SLC45A1: variants seen among roughly 807,000 people sequenced by gnomAD.
SLC45A1 encodes the protein solute carrier family 45 member 1, also known as proton-associated sugar transporter A.
A neutral mutation model predicts 57.6 loss-of-function variants in SLC45A1; 28 were observed. That is an observed-to-expected ratio of 0.49 (90% CI 0.36 to 0.67). The LOEUF is 0.67. SLC45A1 is among the 30% of genes least tolerant of loss of function. SLC45A1 has a pLI of 0.00. For missense variants in SLC45A1, 814 were observed against 1,041.5 expected, an observed-to-expected ratio of 0.78 and a Z score of 3.01; for synonymous variants, 459 against 471.5, an observed-to-expected ratio of 0.97 and a Z score of 0.34.
intron 8 of SLC45A1, among the ~76,000 whole-genome samples, chr1:8,340,457 C>T (rs1216694986): frequency 1.3e-5 from 2 of 152,202 alleles, no homozygotes; most frequent in African/African-American, 2.4e-5. Context: ...CCACCGCACC[C>T]AGCCCAAAAT....
At position 8,342,333 on chromosome 1, in the gene SLC45A1, G is replaced by A. The variant is rs911388366; in HGVS notation, c.1981-1414G>A. 2.6e-5 allele frequency among the ~76,000 whole-genome samples: 4 copies of A among 152,314 alleles called. No homozygotes were observed. The South Asian group carries it at 8.3e-4, about 32-fold the overall frequency. ...AGTGTGTGATGTGCACCGTTCGGCG[G>A]TTTCAGCACACGCAGAGTTGTACAA... On this transcript the variant is annotated intron_variant, in intron 8 of 8. Coordinates refer to ENST00000471889, the MANE Select transcript of SLC45A1 (RefSeq NM_001080397.3).
At position 8,330,882 on chromosome 1, in the gene SLC45A1, CG is replaced by C; in HGVS notation, c.1391del (p.Gly464GlufsTer13). 6.2e-7 allele frequency: 1 copy of C among 1,604,386 alleles called. No individual in the cohort carries two copies. Among genetic ancestry groups the C allele is most frequent in the Non-Finnish European group, 8.5e-7 (1 of 1,173,256 alleles). ...AGACCTTGGCCATCCCGGACGCAGCCGGAGGAGGGGGTCCCGAAACCAGCAG... is the reference window on the plus strand; with the variant it reads ...AGACCTTGGCCATCCCGGACGCAGCCGAGGAGGGGGTCCCGAAACCAGCAG... The part of the protein sequence containing the change: ...PQTLAIPDAA[G>X]GGGPETSRRR... On this transcript the variant is annotated frameshift_variant, in exon 5 of 9. Coordinates refer to ENST00000471889, the MANE Select transcript of SLC45A1 (RefSeq NM_001080397.3). LOFTEE classifies it high-confidence loss of function. The surrounding 1 kb of genome is among the most constrained non-coding windows in gnomAD (Gnocchi z 8.4).
chr1:8,320,991 T>TG lies in SLC45A1; in HGVS notation c.-25+2806dup, dbSNP rs1322364089. Reference sequence around the variant, plus strand: ...CCGATCCAACCGTCCACCTCACCTGTGCTGGGTCTCGCCTCTGACTCTGAA... The same window carrying TG: ...CCGATCCAACCGTCCACCTCACCTGTGGCTGGGTCTCGCCTCTGACTCTGAA... On this transcript the variant is annotated intron_variant, in intron 1 of 8. Coordinates refer to ENST00000471889, the MANE Select transcript of SLC45A1 (RefSeq NM_001080397.3). Among the ~76,000 whole-genome samples the TG allele has an allele frequency of 2.6e-5, 4 of 152,238 alleles. No homozygotes were observed. The East Asian group carries it at 7.7e-4, about 29-fold the overall frequency.
rs1640232299 is a variant in SLC45A1 at position 8,327,230 on chromosome 1, G to T, written c.715+1188G>T. Among the ~76,000 whole-genome samples the T allele has an allele frequency of 6.6e-6, 1 of 151,592 alleles. No homozygotes were observed. Among genetic ancestry groups the T allele is most frequent in the Non-Finnish European group, 1.5e-5 (1 of 68,028 alleles). The stretch of plus-strand genomic sequence containing the variant: ...CAGATAATGAGGATTGAGTGTGTGT[G>T]CATGGACACACACACGACTATATCC... On this transcript the variant is annotated intron_variant, in intron 4 of 8. Transcript: ENST00000471889. This position sits in a 1 kb window ranked among gnomAD's most constrained non-coding sequence, Gnocchi z 4.3.
In SLC45A1 at chr1:8,335,689, C is replaced by A. The variant is rs1414964487; in HGVS notation, c.1597+99C>A. On this transcript the variant is annotated intron_variant, in intron 6 of 8. Coordinates refer to ENST00000471889, the MANE Select transcript of SLC45A1 (RefSeq NM_001080397.3). The surrounding 1 kb of genome is among the most constrained non-coding windows in gnomAD (Gnocchi z 4.1). ...GCCCCTGAGCCTCCCTTCCCAGAAC[C>A]TTTCTGAGTTCACCAGCCCCCAACA... 3 of 1,332,030 alleles carry A rather than the reference C, an allele frequency of 2.3e-6. No individual in the cohort carries two copies. The highest frequency in any genetic ancestry group is 3.0e-5 in the African/African-American group (2 of 67,228). The allele number at this position is 1,332,030 out of a possible 1,614,324, so 82.5% of individuals were successfully genotyped here.
chr1:8,324,106 G>A (rs969747676), intron 1 of SLC45A1, among the ~76,000 whole-genome samples, 200 bp from the exon 2 acceptor site: 3 of 152,202 alleles, frequency 2.0e-5, no homozygotes, highest in Admixed American at 2.0e-4. Context: ...TCTCTGAGTA[G>A]GGAAGGCACT....
rs374431547 is a variant in SLC45A1 at position 8,330,749 on chromosome 1, T to C, written c.1256T>C (p.Leu419Pro). 2.2e-5 allele frequency: 35 copies of C among 1,613,218 alleles called. No individual in the cohort carries two copies. The highest frequency in any genetic ancestry group is 2.9e-5 in the Non-Finnish European group (34 of 1,180,024). ...TTCTACCGCCAGGACCGTGGACTTC[T>C]GGAGGGCAGAGAGGGTGCCCTGACC... is the stretch of plus-strand genomic sequence containing the variant. ...DGFYRQDRGL[L>P]EGREGALTSG... is the part of the protein sequence containing the mutation. The change falls in exon 5 of 9, where the codon CTG (leucine) becomes CCG (proline). Residue 419 changes from leucine (L) to proline (P), a missense_variant. Leu to Pro is a moderately conservative substitution (Grantham distance 98). Transcript: ENST00000471889. The surrounding 1 kb of genome is among the most constrained non-coding windows in gnomAD (Gnocchi z 8.4).
At chr1:8,333,013 C>T (rs1362967017) in intron 5 of SLC45A1, among the ~76,000 whole-genome samples, 1 of 150,558 alleles carries the variant, frequency 6.6e-6, no homozygotes, top group Non-Finnish European at 1.5e-5. Context: ...GGAGATCTAG[C>T]CGAGGAGACA....
Position 8,325,773 on chromosome 1 carries a change from G to C in SLC45A1, c.491-45G>C. 1 of 1,553,904 alleles carries C rather than the reference G, an allele frequency of 6.4e-7. No homozygotes were observed. On this transcript the variant is annotated intron_variant, in intron 3 of 8. Transcript: ENST00000471889. The surrounding 1 kb of genome is among the most constrained non-coding windows in gnomAD (Gnocchi z 6.3). ...TAAGTCGTGAGCTGCCGGGGACAGA[G>C]CTGGTCTGCATTTTCTTGGGGTGAC...
In SLC45A1 at chr1:8,326,690, T is replaced by C. The variant is rs563491856; in HGVS notation, c.715+648T>C. Among the ~76,000 whole-genome samples the C allele has an allele frequency of 6.6e-6, 1 of 152,300 alleles. No individual in the cohort carries two copies. The highest frequency in any genetic ancestry group is 1.9e-4 in the East Asian group (1 of 5,190). Reference sequence around the variant, plus strand: ...ACTAAATAGACCACACAAAAAACTCTTGTTTCGGCCAGGCACAGTGGCTCA... The same window carrying C: ...ACTAAATAGACCACACAAAAAACTCCTGTTTCGGCCAGGCACAGTGGCTCA... On this transcript the variant is annotated intron_variant, in intron 4 of 8. Coordinates refer to ENST00000471889, the MANE Select transcript of SLC45A1 (RefSeq NM_001080397.3). The surrounding 1 kb of genome is among the most constrained non-coding windows in gnomAD (Gnocchi z 5.5).
chr1:8,334,887 G>A (rs891721284), intron 5 of SLC45A1, among the ~76,000 whole-genome samples: 2 of 152,102 alleles, frequency 1.3e-5, no homozygotes, highest in Admixed American at 6.5e-5. Flanking sequence ...CCTCGCACCC[G>A]TTTCCATCCT....
chr1:8,320,692 TACACACACACACACACAC>T (rs57414432), intron 1 of SLC45A1, among the ~76,000 whole-genome samples: 2 of 101,224 alleles, frequency 2.0e-5, no homozygotes, highest in Non-Finnish European at 4.4e-5. Context: ...TCTCTCTCTC[TACACACACACACACACAC>T]ACACACACAC....
chr1:8,334,912 G>A (rs548189999), intron 5 of SLC45A1, among the ~76,000 whole-genome samples: 7 of 152,278 alleles, frequency 4.6e-5, no homozygotes, highest in East Asian at 3.9e-4. Flanking sequence ...ACCGTGGGGC[G>A]TGTCGTGTGC....
chr1:8,334,781 C>A (rs1389471193), intron 5 of SLC45A1, among the ~76,000 whole-genome samples: 1 of 152,192 alleles, frequency 6.6e-6, no homozygotes, highest in African/African-American at 2.4e-5. Flanking sequence ...AGCAGGGCTA[C>A]TTGGAATGAA....
At position 8,324,250 on chromosome 1, in the gene SLC45A1, G is replaced by A. The variant is rs868419101; in HGVS notation, c.-24-56G>A. 17 of 1,475,564 alleles carry A rather than the reference G, an allele frequency of 1.2e-5. No homozygotes were observed. The African/African-American group carries it at 2.1e-4, about 18-fold the overall frequency. The allele number at this position is 1,475,564 out of a possible 1,614,324, so 91.4% of individuals were successfully genotyped here. On this transcript the variant is annotated intron_variant, in intron 1 of 8. Transcript: ENST00000471889. Reference sequence around the variant, plus strand: ...TTCTGCAGTGTGAACTCAAATGTTGGGGGAGGACTACCCAGGCAAAAGTAA... The same window carrying A: ...TTCTGCAGTGTGAACTCAAATGTTGAGGGAGGACTACCCAGGCAAAAGTAA...
chr1:8,324,425 G>A lies in SLC45A1; in HGVS notation c.96G>A (p.Ser32=), dbSNP rs752694484. Reference sequence around the variant, plus strand: ...GGAGGTCCCAGGTCACGGGCTACTCGGGGTCCGTGACACGACACCTCAGTC... The same window carrying A: ...GGAGGTCCCAGGTCACGGGCTACTCAGGGTCCGTGACACGACACCTCAGTC... The part of the protein sequence containing the change: ...DFWRSQVTGY[S]GSVTRHLSHR... Residue 32 remains serine (S), a synonymous_variant, in exon 2 of 9, where the codon TCG becomes TCA. Coordinates refer to ENST00000471889, the MANE Select transcript of SLC45A1 (RefSeq NM_001080397.3). 37 of 1,612,630 alleles carry A rather than the reference G, an allele frequency of 2.3e-5. No individual in the cohort carries two copies. Among genetic ancestry groups the A allele is most frequent in the South Asian group, 4.4e-5 (4 of 91,072 alleles).
chr1:8,321,304 C>T (rs573976477), intron 1 of SLC45A1, among the ~76,000 whole-genome samples: 22 of 152,204 alleles, frequency 1.4e-4, no homozygotes, highest in Non-Finnish European at 2.8e-4. Context: ...TACAGGAAAG[C>T]GTGGTATTTT....
chr1:8,323,309 G>A (rs934792514), intron 1 of SLC45A1, among the ~76,000 whole-genome samples: 2 of 152,134 alleles, frequency 1.3e-5, no homozygotes, highest in Non-Finnish European at 2.9e-5. Flanking sequence ...TGGCCAACAT[G>A]ATGAAACCCC....
Position 8,324,323 on chromosome 1 carries a change from C to A in SLC45A1, c.-7C>A, listed in dbSNP as rs955754891. The stretch of plus-strand genomic sequence containing the variant: ...CCTCACAGGGACGCCCACCAGCCCT[C>A]CCCACGATGATCCCCGCAGCCAGCA... On this transcript the variant is annotated 5_prime_UTR_variant, in exon 2 of 9. Transcript: ENST00000471889. The A allele has an allele frequency of 4.3e-6, 7 of 1,610,522 alleles. No homozygotes were observed. The highest frequency in any genetic ancestry group is 1.3e-5 in the African/African-American group (1 of 74,880).
Sources: allele counts gnomAD v4.1 joint callset (sites outside exome capture counted in the v4.1 genomes callset), GRCh38; gene constraint gnomAD v4.1.1; non-coding constraint Gnocchi (gnomAD v3.1); transcripts MANE v1.5; gene names NCBI Gene and HGNC (gene_info 2026-07-23, HGNC 2026-07-21).